CA10: variants seen among roughly 807,000 people sequenced by gnomAD.
The protein encoded by CA10 is carbonic anhydrase 10 (inactive), also known as carbonic anhydrase-related protein 10.
CA10 carries 14 observed loss-of-function variants against 44.2 expected under a neutral mutation model. The ratio of observed to expected loss-of-function variants is 0.32; its 90% CI spans 0.21 to 0.50. The LOEUF is 0.50. CA10 is among the 20% of genes least tolerant of loss of function. The pLI is 0.99. For missense variants in CA10, 350 were observed against 409.7 expected, an observed-to-expected ratio of 0.85 and a Z score of 1.26; for synonymous variants, 159 against 141.6, an observed-to-expected ratio of 1.12 and a Z score of -0.87.
At chr17:51,724,317 G>A (rs7221918) in intron 4 of CA10, among the ~76,000 whole-genome samples, 95,602 of 152,016 alleles carry the variant, frequency 0.63, 30,721 homozygotes, top group East Asian at 0.73. Flanking sequence ...CTTATTTCCT[G>A]CTTAAGGAAA....
At chr17:51,886,618 C>G (rs1050610959) in intron 3 of CA10, among the ~76,000 whole-genome samples, 1 of 152,194 alleles carries the variant, frequency 6.6e-6, no homozygotes, top group Admixed American at 6.5e-5. Flanking sequence ...GTCAACATGA[C>G]TGCACTAACG....
chr17:52,087,206 TGTC>T (rs1202344273), intron 1 of CA10, among the ~76,000 whole-genome samples: 1 of 152,244 alleles, frequency 6.6e-6, no homozygotes, highest in Non-Finnish European at 1.5e-5. Context: ...AGTGGCCTGA[TGTC>T]GTCTCACTGC....
At chr17:51,801,313 T>C (rs1598051769) in intron 3 of CA10, among the ~76,000 whole-genome samples, 1 of 152,170 alleles carries the variant, frequency 6.6e-6, no homozygotes, top group African/African-American at 2.4e-5. Context: ...ATCCAACTTG[T>C]GGTCGTCAGT....
intron 3 of CA10, among the ~76,000 whole-genome samples, chr17:51,811,811 C>T (rs1050361652): frequency 1.3e-5 from 2 of 152,196 alleles, no homozygotes; most frequent in Non-Finnish European, 2.9e-5. Context: ...TTACTAATTA[C>T]AGTTTTAACC....
intron 1 of CA10, among the ~76,000 whole-genome samples, chr17:52,146,963 C>T (rs942542886): frequency 1.3e-5 from 2 of 152,010 alleles, no homozygotes; most frequent in Non-Finnish European, 2.9e-5. Context: ...ACCTACATGC[C>T]CACACACATA....
intron 2 of CA10, among the ~76,000 whole-genome samples, chr17:52,041,586 T>C (rs1369583438): frequency 6.6e-6 from 1 of 152,084 alleles, no homozygotes; most frequent in Non-Finnish European, 1.5e-5. Flanking sequence ...TGTGAATGTG[T>C]GGTGATAACA....
intron 3 of CA10, among the ~76,000 whole-genome samples, chr17:51,865,480 T>C (rs1325571381): frequency 1.3e-5 from 2 of 152,220 alleles, no homozygotes; most frequent in East Asian, 1.9e-4. Flanking sequence ...AAGACATTTA[T>C]AGTGCAATGA....
intron 1 of CA10, among the ~76,000 whole-genome samples, chr17:52,122,509 C>T (rs1225699414): frequency 6.6e-6 from 1 of 152,020 alleles, no homozygotes; most frequent in Non-Finnish European, 1.5e-5. Context: ...TTAGGAGTTT[C>T]CTGGTGGCAC....
intron 2 of CA10, among the ~76,000 whole-genome samples, chr17:52,008,178 G>T (rs1985666401): frequency 6.6e-6 from 1 of 151,178 alleles, no homozygotes; most frequent in African/African-American, 2.4e-5. Context: ...TTTCATTATT[G>T]CTTCTTTCCA....
rs568117240 is a variant in CA10 at position 51,670,269 on chromosome 17, A to G, written c.466-16533T>C. On this transcript the variant is annotated intron_variant, in intron 4 of 8. Transcript: ENST00000451037. ...TTCCCATGTGCCAGCAGGGTCCTCA[A>G]TGCCCTACAGAGGTCATCTCATTCA... 7.2e-5 allele frequency among the ~76,000 whole-genome samples: 11 copies of G among 152,324 alleles called. No homozygotes were observed. In the South Asian group the frequency reaches 2.1e-3, roughly 29 times the overall value.
At chr17:52,097,645 C>CTT (rs1988438428) in intron 1 of CA10, among the ~76,000 whole-genome samples, 1 of 152,160 alleles carries the variant, frequency 6.6e-6, no homozygotes, top group Non-Finnish European at 1.5e-5. Context: ...CTTATTCATT[C>CTT]ATTCATTCAC....
chr17:51,854,293 A>G (rs1171009097), intron 3 of CA10, among the ~76,000 whole-genome samples: 1 of 152,126 alleles, frequency 6.6e-6, no homozygotes, highest in African/African-American at 2.4e-5. Context: ...GACATTGTTA[A>G]TGTTCAGTGA....
At chr17:51,833,010 C>T (rs1313840976) in intron 3 of CA10, among the ~76,000 whole-genome samples, 1 of 152,142 alleles carries the variant, frequency 6.6e-6, no homozygotes, top group African/African-American at 2.4e-5. Context: ...GAGCTACAGG[C>T]AGGTCAGCAC....
chr17:52,099,629 G>T (rs1445810793), intron 1 of CA10, among the ~76,000 whole-genome samples: 1 of 152,174 alleles, frequency 6.6e-6, no homozygotes, highest in African/African-American at 2.4e-5. Flanking sequence ...CAAGCTGACT[G>T]TTGGAAATAA....
chr17:51,861,034 C>T (rs9908914), intron 3 of CA10, among the ~76,000 whole-genome samples: 29,136 of 152,112 alleles, frequency 0.19, 4,342 homozygotes, highest in African/African-American at 0.42. Flanking sequence ...GCCACTGTCC[C>T]TCAGCTTCAA....
chr17:51,635,792 T>C (rs752132119), intron 7 of CA10, 63 bp downstream of exon 7: 20 of 1,343,282 alleles, frequency 1.5e-5, no homozygotes, highest in Non-Finnish European at 2.0e-5. Context: ...GCACTCCACA[T>C]TTCAGTGATT....
chr17:51,744,747 T>G (rs1415648490), intron 4 of CA10, among the ~76,000 whole-genome samples: 1 of 152,234 alleles, frequency 6.6e-6, no homozygotes, highest in Non-Finnish European at 1.5e-5. Context: ...TTTTTGTAGC[T>G]ACCACCCATT....
intron 2 of CA10, among the ~76,000 whole-genome samples, chr17:51,985,263 A>G (rs1338988705): frequency 6.6e-6 from 1 of 152,050 alleles, no homozygotes; most frequent in Non-Finnish European, 1.5e-5. Flanking sequence ...AAAAACAAAG[A>G]CTACATGATC....
In CA10 at chr17:51,858,383, A is replaced by G. The variant is rs181456977; in HGVS notation, c.279+72607T>C. On this transcript the variant is annotated intron_variant, in intron 3 of 8. Transcript: ENST00000451037. ...ACGAGGAAAATGTGCCCGTGCAGAG[A>G]CAAGGAGTCCCCACAGTCTACCCCT... Among the ~76,000 whole-genome samples, 1,174 of 152,236 alleles carry G rather than the reference A, an allele frequency of 7.7e-3. 12 individuals carry two copies. Among genetic ancestry groups the G allele is most frequent in the Non-Finnish European group, 0.014 (926 of 68,016 alleles).
Sources: gnomAD v4.1 joint callset for allele counts (sites outside exome capture counted in the v4.1 genomes callset) on GRCh38, gnomAD v4.1.1 for gene constraint, MANE v1.5 for transcripts, NCBI Gene and HGNC (gene_info 2026-07-23, HGNC 2026-07-21) for gene names.